The following SV2C variants were observed in gnomAD, a reference collection of about 807,000 sequenced individuals.
The protein encoded by SV2C is synaptic vesicle glycoprotein 2C, also known as solute carrier family 22 member B3.
Under a neutral mutation model 79.7 loss-of-function variants are expected in SV2C, and 49 were observed. The ratio of observed to expected loss-of-function variants is 0.61; its 90% CI spans 0.49 to 0.78. The LOEUF (loss-of-function observed/expected upper bound fraction) is 0.78, where lower values mean the gene tolerates loss of function less well. Ranked by LOEUF, SV2C falls within the 30% of genes least tolerant of loss-of-function variation. The pLI is 0.00. For missense variants in SV2C, 833 were observed against 912.9 expected (o/e 0.91, Z 1.13); for synonymous variants, 334 against 333.2 (o/e 1.00, Z -0.03).
Position 76,285,161 on chromosome 5 carries a change from G to C in SV2C, c.914-1G>C, listed in dbSNP as rs1747309430. 1 of 1,613,888 alleles carries C rather than the reference G, an allele frequency of 6.2e-7. No homozygotes were observed. Among genetic ancestry groups the C allele is most frequent in the Admixed American group, 1.7e-5 (1 of 59,992 alleles). ...TCACTCTCCGTGTCCTCCTTTTCCA[G>C]GGTGGAGCTTCAGCATGGGATCGGC... On this transcript the variant is annotated splice_acceptor_variant, in intron 4 of 12. Coordinates refer to ENST00000502798, the MANE Select transcript of SV2C (RefSeq NM_014979.4). LOFTEE classifies it high-confidence loss of function.
chr5:76,227,249 C>G (rs1462290008), intron 4 of SV2C, among the ~76,000 whole-genome samples: 1 of 152,220 alleles, frequency 6.6e-6, no homozygotes, highest in East Asian at 1.9e-4. Flanking sequence ...GAACAAGCAG[C>G]TGGGCCAGCT....
In SV2C at chr5:76,116,666, A is replaced by G. The variant is rs17673834; in HGVS notation, c.-101-14984A>G. On this transcript the variant is annotated intron_variant, in intron 1 of 12. Transcript: ENST00000502798. ...CTTTCAAGTCTGGTGGTGCCTGTTTAATGCAGGGAAAACCATCTGCCAGAA... is the reference window on the plus strand; with the variant it reads ...CTTTCAAGTCTGGTGGTGCCTGTTTGATGCAGGGAAAACCATCTGCCAGAA... 1.7e-3 allele frequency among the ~76,000 whole-genome samples: 255 copies of G among 152,318 alleles called. 7 individuals are homozygous for G. The East Asian group carries it at 0.048, about 28-fold the overall frequency.
At chr5:76,261,677 C>CT (rs1402252226) in intron 4 of SV2C, among the ~76,000 whole-genome samples, 1 of 152,126 alleles carries the variant, frequency 6.6e-6, no homozygotes, top group South Asian at 2.1e-4. Context: ...TATCAAAGGC[C>CT]TTTTCTGCAA....
At chr5:76,030,289 T>TTTTTTTTTTTTA in the SV2C span, among the ~76,000 whole-genome samples, 13 of 117,908 alleles carry the variant, frequency 1.1e-4, no homozygotes, top group South Asian at 7.7e-4. Flanking sequence ...TTTTTTTTTT[T>TTTTTTTTTTTTA]TTTATTTATT....
At chr5:76,014,192 G>T in the SV2C span, among the ~76,000 whole-genome samples, 1 of 143,702 alleles carries the variant, frequency 7.0e-6, no homozygotes, top group Non-Finnish European at 1.5e-5. Flanking sequence ...AAGAAAGAAG[G>T]AAAGAGAAAG....
At chr5:75,891,365 T>C in the SV2C span, among the ~76,000 whole-genome samples, 1 of 152,080 alleles carries the variant, frequency 6.6e-6, no homozygotes, top group Non-Finnish European at 1.5e-5. Flanking sequence ...GCCCACACTT[T>C]AGTAGTAGTG....
chr5:75,880,266 G>A, the SV2C span, among the ~76,000 whole-genome samples: 1 of 151,646 alleles, frequency 6.6e-6, no homozygotes, highest in African/African-American at 2.4e-5. Context: ...AGATACATTT[G>A]GATTCTTTCC....
chr5:76,305,680 T>C (rs1177514255), intron 12 of SV2C, among the ~76,000 whole-genome samples: 2 of 152,240 alleles, frequency 1.3e-5, no homozygotes, highest in African/African-American at 4.8e-5. Flanking sequence ...CTAGATGTAC[T>C]TACTGAATAG....
At chr5:76,030,749 G>A in the SV2C span, among the ~76,000 whole-genome samples, 1 of 151,404 alleles carries the variant, frequency 6.6e-6, no homozygotes, top group Non-Finnish European at 1.5e-5. Context: ...GCAACAGAGT[G>A]GGACTCTGTC....
chr5:75,924,487 G>A, the SV2C span, among the ~76,000 whole-genome samples: 1 of 152,154 alleles, frequency 6.6e-6, no homozygotes, highest in African/African-American at 2.4e-5. Flanking sequence ...AAATTGCTGA[G>A]CTAAAATAAG....
At chr5:76,059,270 T>C in the SV2C span, among the ~76,000 whole-genome samples, 5 of 152,056 alleles carry the variant, frequency 3.3e-5, no homozygotes, top group African/African-American at 1.2e-4. Context: ...TAAAGTTTGC[T>C]GCATCAATGG....
At chr5:75,868,736 G>A in the SV2C span, among the ~76,000 whole-genome samples, 4,184 of 152,254 alleles carry the variant, frequency 0.027, 186 homozygotes, top group African/African-American at 0.092. Context: ...AGGGCTGGGT[G>A]TCAGTGGAGT....
chr5:76,114,096 T>G (rs575965730), intron 1 of SV2C, among the ~76,000 whole-genome samples: 6 of 152,326 alleles, frequency 3.9e-5, no homozygotes, highest in African/African-American at 1.4e-4. Context: ...GACGGCTCTG[T>G]GGGGACTTGT....
chr5:76,079,315 C>A, upstream of SV2C: 1 of 328,126 alleles, frequency 3.0e-6, no homozygotes, highest in South Asian at 3.7e-5. Flanking sequence ...CAAAGATGGT[C>A]ACTATGGTAG....
At chr5:76,323,537 T>TC (rs2112563565) in intron 12 of SV2C, among the ~76,000 whole-genome samples, 1 of 152,366 alleles carries the variant, frequency 6.6e-6, no homozygotes, top group African/African-American at 2.4e-5. Context: ...CATTACTGGG[T>TC]ATGTACCCAA....
chr5:75,988,037 G>A, the SV2C span, among the ~76,000 whole-genome samples: 3 of 151,994 alleles, frequency 2.0e-5, no homozygotes, highest in Middle Eastern at 3.2e-3. Flanking sequence ...ATTCAGAACA[G>A]TTCTTTACAC....
chr5:76,109,819 T>G (rs1045103155), intron 1 of SV2C, among the ~76,000 whole-genome samples: 1 of 152,202 alleles, frequency 6.6e-6, no homozygotes, highest in Non-Finnish European at 1.5e-5. Context: ...TTCAGACTTT[T>G]AGCCTCCAGG....
At position 76,296,733 on chromosome 5, in the gene SV2C, C is replaced by T. The variant is rs116466344; in HGVS notation, c.1502+791C>T. 6.9e-3 allele frequency among the ~76,000 whole-genome samples: 1,044 copies of T among 152,202 alleles called. 14 individuals carry two copies. Among genetic ancestry groups the T allele is most frequent in the African/African-American group, 0.024 (985 of 41,534 alleles). ...TAATCAAAGTTCCCCAGGGCAAAAA[C>T]CAGTTCAGAAAGATGAAAAAGAATT... On this transcript the variant is annotated intron_variant, in intron 9 of 12. Transcript: ENST00000502798.
intron 2 of SV2C, among the ~76,000 whole-genome samples, chr5:76,133,742 A>G (rs181175706): frequency 4.6e-5 from 7 of 152,266 alleles, no homozygotes; most frequent in Middle Eastern, 6.8e-3. Flanking sequence ...TGTCAAATTG[A>G]TCATCTCAGC....
Sources: allele counts gnomAD v4.1 joint callset (sites outside exome capture counted in the v4.1 genomes callset), GRCh38; gene constraint gnomAD v4.1.1; transcripts MANE v1.5; gene names NCBI Gene and HGNC (gene_info 2026-07-23, HGNC 2026-07-21).